The following GALNT1 variants were observed in gnomAD, a reference collection of about 807,000 sequenced individuals.
GALNT1 encodes GalNAc transferase 1.
GALNT1 carries 17 observed loss-of-function variants against 65.7 expected under a neutral mutation model. The observed-to-expected ratio is 0.26, with a 90% CI of 0.18 to 0.39. GALNT1 has a LOEUF of 0.39. GALNT1 is among the 10% of genes least tolerant of loss of function. The probability of loss-of-function intolerance (pLI) is 1.00; values close to 1 mark genes in which losing one functional copy is unlikely to be tolerated. For missense variants in GALNT1, 460 were observed against 672.8 expected (o/e 0.68, Z 3.50); for synonymous variants, 210 against 219.7 (o/e 0.96, Z 0.39).
chr18:35,699,311 A>G (rs1320367528), intron 9 of GALNT1, among the ~76,000 whole-genome samples: 1 of 152,236 alleles, frequency 6.6e-6, no homozygotes, highest in African/African-American at 2.4e-5. Flanking sequence ...AGGAGTATCT[A>G]CTTCAACCAA....
chr18:35,605,327 G>A (rs1218135403), intron 1 of GALNT1, among the ~76,000 whole-genome samples: 4 of 151,832 alleles, frequency 2.6e-5, no homozygotes, highest in East Asian at 3.9e-4. Flanking sequence ...GTGAAACCCC[G>A]TCTCTACTAA....
At chr18:35,587,211 A>G (rs1016658935) in intron 1 of GALNT1, among the ~76,000 whole-genome samples, 24 of 152,346 alleles carry the variant, frequency 1.6e-4, no homozygotes, top group African/African-American at 4.8e-4. Context: ...GTATTCCACA[A>G]TCTTGCTGAA....
At chr18:35,582,034 C>T (rs1224897763) in intron 1 of GALNT1, among the ~76,000 whole-genome samples, 172 bp downstream of exon 1, 1 of 152,000 alleles carries the variant, frequency 6.6e-6, no homozygotes, top group Non-Finnish European at 1.5e-5. Context: ...GACCCCGGTG[C>T]CGTTGGACAC....
At chr18:35,658,034 G>A (rs2047418868) in intron 2 of GALNT1, among the ~76,000 whole-genome samples, 1 of 152,196 alleles carries the variant, frequency 6.6e-6, no homozygotes, top group African/African-American at 2.4e-5. Context: ...GCATCCACAG[G>A]TTATTATAGT....
intron 1 of GALNT1, among the ~76,000 whole-genome samples, chr18:35,599,386 T>TTTTAAA (rs2046550673): frequency 6.7e-6 from 1 of 150,374 alleles, no homozygotes; most frequent in Non-Finnish European, 1.5e-5. Flanking sequence ...TTTTTTTTTT[T>TTTTAAA]AAGACAAGGT....
chr18:35,594,539 T>C (rs533497325), intron 1 of GALNT1, among the ~76,000 whole-genome samples: 20 of 152,332 alleles, frequency 1.3e-4, no homozygotes, highest in African/African-American at 4.8e-4. Context: ...CTAATGCCAC[T>C]ATCCTAGAAG....
chr18:35,634,675 C>T lies in GALNT1; in HGVS notation c.-103-19885C>T, dbSNP rs994491537. Among the ~76,000 whole-genome samples, 42 of 152,286 alleles carry T rather than the reference C, an allele frequency of 2.8e-4. 1 individual carries two copies. In the Middle Eastern group the frequency reaches 0.014, roughly 49 times the overall value. On this transcript the variant is annotated intron_variant, in intron 1 of 11. Coordinates refer to ENST00000269195, the MANE Select transcript of GALNT1 (RefSeq NM_020474.4). ...ATTGAGTCTGGTCATGTAGGCATCT[C>T]CTGCCTAACACATACCAAAATTCCA...
intron 3 of GALNT1, among the ~76,000 whole-genome samples, chr18:35,668,125 C>G (rs1238261510): frequency 6.6e-6 from 1 of 151,878 alleles, no homozygotes; most frequent in African/African-American, 2.4e-5. Flanking sequence ...AGTTACTGAA[C>G]TAACCATCTT....
intron 1 of GALNT1, among the ~76,000 whole-genome samples, chr18:35,621,327 T>C (rs1231324183): frequency 6.8e-6 from 1 of 147,950 alleles, no homozygotes; most frequent in Non-Finnish European, 1.5e-5. Flanking sequence ...TACAGATGCG[T>C]GTCAACACAC....
chr18:35,583,710 C>G (rs896501400), intron 1 of GALNT1, among the ~76,000 whole-genome samples: 2 of 152,162 alleles, frequency 1.3e-5, no homozygotes, highest in Non-Finnish European at 2.9e-5. Context: ...ACTGAAAACC[C>G]AACAACAACA....
At chr18:35,647,418 G>C (rs1452678872) in intron 1 of GALNT1, among the ~76,000 whole-genome samples, 4 of 151,376 alleles carry the variant, frequency 2.6e-5, no homozygotes, top group Non-Finnish European at 5.9e-5. Flanking sequence ...TTACTGTTTG[G>C]GTGACTGAAT....
intron 3 of GALNT1, among the ~76,000 whole-genome samples, chr18:35,667,570 T>A: frequency 6.6e-6 from 1 of 152,300 alleles, no homozygotes; most frequent in Non-Finnish European, 1.5e-5. Flanking sequence ...TTATGACATA[T>A]ATATTTCTTT....
intron 4 of GALNT1, among the ~76,000 whole-genome samples, chr18:35,678,281 G>A (rs1044210475): frequency 6.6e-6 from 1 of 152,074 alleles, no homozygotes; most frequent in African/African-American, 2.4e-5. Flanking sequence ...TGCATAAAAG[G>A]ATTAGGAAGG....
intron 1 of GALNT1, among the ~76,000 whole-genome samples, chr18:35,618,382 G>T (rs2046811390): frequency 6.6e-6 from 1 of 152,088 alleles, no homozygotes; most frequent in African/African-American, 2.4e-5. Flanking sequence ...TGTAATGTGT[G>T]TTTGAAAAAG....
At chr18:35,633,971 A>T (rs1465420318) in intron 1 of GALNT1, among the ~76,000 whole-genome samples, 1 of 152,192 alleles carries the variant, frequency 6.6e-6, no homozygotes, top group Non-Finnish European at 1.5e-5. Context: ...TCCCAGAGCC[A>T]TTGCTGAAGA....
intron 9 of GALNT1, among the ~76,000 whole-genome samples, chr18:35,694,676 T>TA (rs2048025390): frequency 1.3e-5 from 2 of 152,222 alleles, no homozygotes; most frequent in Non-Finnish European, 2.9e-5. Flanking sequence ...GTAGAAGCAC[T>TA]CCACGTGTCC....
intron 1 of GALNT1, among the ~76,000 whole-genome samples, chr18:35,588,338 T>C (rs1236859940): frequency 6.6e-6 from 1 of 152,210 alleles, no homozygotes; most frequent in Non-Finnish European, 1.5e-5. Flanking sequence ...AAGGAATCGT[T>C]TTTCTCTCAC....
At chr18:35,684,515 C>T (rs190542412) in intron 5 of GALNT1, among the ~76,000 whole-genome samples, 9 of 152,142 alleles carry the variant, frequency 5.9e-5, no homozygotes, top group Non-Finnish European at 8.8e-5. Flanking sequence ...AATATTTGCT[C>T]GCCTGAAGAT....
chr18:35,630,802 G>A lies in GALNT1; in HGVS notation c.-103-23758G>A, dbSNP rs576550739. ...AAAAGATCAACAAAATTGATAGACCGCTAGCAAGACTAATAAAGAAGAAAA... is the reference window on the plus strand; with the variant it reads ...AAAAGATCAACAAAATTGATAGACCACTAGCAAGACTAATAAAGAAGAAAA... On this transcript the variant is annotated intron_variant, in intron 1 of 11. Coordinates refer to ENST00000269195, the MANE Select transcript of GALNT1 (RefSeq NM_020474.4). Among the ~76,000 whole-genome samples, 888 of 152,060 alleles carry A rather than the reference G, an allele frequency of 5.8e-3. 5 individuals are homozygous for A. The highest frequency in any genetic ancestry group is 0.01 in the Non-Finnish European group (710 of 67,976).
Sources: gnomAD v4.1 joint callset for allele counts (sites outside exome capture counted in the v4.1 genomes callset) on GRCh38, gnomAD v4.1.1 for gene constraint, MANE v1.5 for transcripts, NCBI Gene and HGNC (gene_info 2026-07-23, HGNC 2026-07-21) for gene names.